The following ASIC2 variants were observed in gnomAD, a reference collection of about 807,000 sequenced individuals.
The protein encoded by ASIC2 is acid sensing ion channel subunit 2.
ASIC2 carries 25 observed loss-of-function variants against 57.3 expected under a neutral mutation model. The ratio of observed to expected loss-of-function variants is 0.44; its 90% CI spans 0.32 to 0.61. The LOEUF is 0.61. Among genes scored for constraint, ASIC2 ranks in the 20% least tolerant of loss-of-function variants. The probability of loss-of-function intolerance (pLI) is 0.06; values close to 1 mark genes in which losing one functional copy is unlikely to be tolerated. For synonymous variants in ASIC2, 319 were observed against 307.5 expected (o/e 1.04, Z -0.39); for missense variants, 641 against 738.1 (o/e 0.87, Z 1.52).
intron 1 of ASIC2, among the ~76,000 whole-genome samples, chr17:33,953,548 G>A (rs1313749948): frequency 1.3e-5 from 2 of 149,240 alleles, no homozygotes; most frequent in Non-Finnish European, 3.0e-5. Flanking sequence ...TTGGTTGCTT[G>A]CTCTCCTCCA....
At position 33,552,897 on chromosome 17, in the gene ASIC2, G is replaced by A. The variant is rs900615858; in HGVS notation, c.556-440830C>T. ...TGTTTCCCCAGGGAAGTGCTGCTGG[G>A]CTCTCTTGCACCGCCCTGGAGCTGG... On this transcript the variant is annotated intron_variant, in intron 1 of 9. Coordinates refer to the ASIC2 transcript ENST00000359872. Among the ~76,000 whole-genome samples, 7 of 152,362 alleles carry A rather than the reference G, an allele frequency of 4.6e-5. 1 individual carries two copies. In the East Asian group the frequency reaches 1.2e-3, roughly 25 times the overall value.
intron 1 of ASIC2, among the ~76,000 whole-genome samples, chr17:33,994,895 G>T (rs1439739670): frequency 6.6e-6 from 1 of 152,094 alleles, no homozygotes; most frequent in African/African-American, 2.4e-5. Flanking sequence ...GAAAAAAAAC[G>T]GTGCTTCTTG....
At chr17:33,919,285 G>T (rs948943886) in intron 1 of ASIC2, among the ~76,000 whole-genome samples, 3 of 152,134 alleles carry the variant, frequency 2.0e-5, no homozygotes, top group African/African-American at 7.2e-5. Context: ...AGTCGCTGAT[G>T]AGCCCAAAAA....
In ASIC2 at chr17:33,822,736, C is replaced by T. The variant is rs111242853; in HGVS notation, c.555+333242G>A. ...TTGGGTGGGACACTATTAAGCCAACCAAGTAAATGGCCTGGGATGTGGTTG... is the reference window on the plus strand; with the variant it reads ...TTGGGTGGGACACTATTAAGCCAACTAAGTAAATGGCCTGGGATGTGGTTG... On this transcript the variant is annotated intron_variant, in intron 1 of 9. Transcript: ENST00000359872. 8.9e-3 allele frequency among the ~76,000 whole-genome samples: 1,354 copies of T among 152,256 alleles called. 25 individuals carry two copies. Among genetic ancestry groups the T allele is most frequent in the African/African-American group, 0.031 (1,269 of 41,542 alleles).
intron 1 of ASIC2, among the ~76,000 whole-genome samples, chr17:33,674,833 G>A (rs551307944): frequency 8.5e-5 from 13 of 152,270 alleles, no homozygotes; most frequent in Admixed American, 2.0e-4. Context: ...GAGCTCAGAA[G>A]TCTGTCTTAG....
intron 1 of ASIC2, among the ~76,000 whole-genome samples, chr17:33,548,378 C>G (rs1915644885): frequency 6.6e-6 from 1 of 152,188 alleles, no homozygotes; most frequent in African/African-American, 2.4e-5. Flanking sequence ...AAGATACGCT[C>G]AGGAGGAGAC....
intron 1 of ASIC2, among the ~76,000 whole-genome samples, chr17:33,859,832 A>G (rs1376902835): frequency 6.6e-6 from 1 of 152,158 alleles, no homozygotes; most frequent in Admixed American, 6.5e-5. Flanking sequence ...ATACAGGTGC[A>G]TGTGCTACCA....
At chr17:33,970,589 C>T (rs35315193) in intron 1 of ASIC2, among the ~76,000 whole-genome samples, 43,256 of 152,070 alleles carry the variant, frequency 0.28, 6,329 homozygotes, top group Middle Eastern at 0.42. Context: ...TCCACTCCAA[C>T]CTGGGTCCCA....
chr17:33,404,625 A>G (rs140278211), intron 1 of ASIC2, among the ~76,000 whole-genome samples: 1 of 152,336 alleles, frequency 6.6e-6, no homozygotes, highest in African/African-American at 2.4e-5. Context: ...TGTCAAATGC[A>G]TGTTGAGTTG....
At chr17:33,138,080 G>A (rs929609826) in intron 1 of ASIC2, among the ~76,000 whole-genome samples, 4 of 152,180 alleles carry the variant, frequency 2.6e-5, no homozygotes. Context: ...GCAGTTTGGG[G>A]GACAGAGGGT....
At chr17:33,121,357 C>A (rs750834227) in intron 1 of ASIC2, among the ~76,000 whole-genome samples, 9 of 152,184 alleles carry the variant, frequency 5.9e-5, no homozygotes, top group Non-Finnish European at 8.8e-5. Context: ...GGGTGGCCTG[C>A]AGACAGGTAC....
chr17:33,659,936 T>C (rs1567681680), intron 1 of ASIC2, among the ~76,000 whole-genome samples: 1 of 151,026 alleles, frequency 6.6e-6, no homozygotes, highest in South Asian at 2.1e-4. Flanking sequence ...TAAAAATAAA[T>C]AGCTGGGCGT....
chr17:33,827,986 G>A (rs940413957), intron 1 of ASIC2: 4 of 152,096 alleles, frequency 2.6e-5, no homozygotes, highest in Non-Finnish European at 4.4e-5. Flanking sequence ...TTGGTTTTCT[G>A]TTCCTGTGTT....
intron 1 of ASIC2, among the ~76,000 whole-genome samples, chr17:33,123,698 G>C (rs905840857): frequency 6.6e-6 from 1 of 152,134 alleles, no homozygotes; most frequent in African/African-American, 2.4e-5. Context: ...CGCTTTCCCC[G>C]CGCCTTCCCA....
At chr17:33,158,104 CTGTTT>C (rs1475363798) in intron 1 of ASIC2, among the ~76,000 whole-genome samples, 10 of 152,218 alleles carry the variant, frequency 6.6e-5, no homozygotes, top group African/African-American at 1.2e-4. Context: ...TCCTCCTCTC[CTGTTT>C]TATTTTTTCT....
intron 1 of ASIC2, among the ~76,000 whole-genome samples, chr17:33,535,251 T>C (rs1915189487): frequency 6.6e-6 from 1 of 151,500 alleles, no homozygotes. Flanking sequence ...GCAATGGATA[T>C]GGTGGGAATA....
rs574767953 is a variant in ASIC2, at chr17:33,778,517, G to T, written c.555+377461C>A. On this transcript the variant is annotated intron_variant, in intron 1 of 9. Coordinates refer to the ASIC2 transcript ENST00000359872. ...GATTTGGCCCAGAAAGACTGTTTCT[G>T]AAAATCAAATTCACCTCCTGGGGAT... Among the ~76,000 whole-genome samples the T allele has an allele frequency of 5.3e-5, 8 of 152,184 alleles. No individual in the cohort carries two copies. The East Asian group carries it at 1.5e-3, about 29-fold the overall frequency.
Position 33,292,599 on chromosome 17 carries a change from C to A in ASIC2, c.-484G>T. On this transcript the variant is annotated 5_prime_UTR_variant, in exon 1 of 10. Coordinates refer to ENST00000225823, the MANE Select transcript of ASIC2 (RefSeq NM_183377.2). ...CGGCCACCATGCCTGATCTGGACAT[C>A]CCCAGGGACCCCACCAGCCCGGCCC... 1 of 985,712 alleles carries A rather than the reference C, an allele frequency of 1.0e-6. No individual in the cohort carries two copies. The highest frequency in any genetic ancestry group is 1.2e-6 in the Non-Finnish European group (1 of 830,150). 61.1% of individuals were successfully genotyped at this position (985,712 alleles called of 1,614,324 possible). A position where few individuals can be genotyped will look rare whatever the true frequency, so the allele number is the denominator to read the frequency against.
intron 1 of ASIC2, among the ~76,000 whole-genome samples, chr17:33,638,032 C>T (rs952784461): frequency 6.6e-6 from 1 of 151,974 alleles, no homozygotes; most frequent in East Asian, 1.9e-4. Flanking sequence ...AGTTATGAGT[C>T]AAAAGTCTAG....
Sources: allele counts gnomAD v4.1 joint callset (sites outside exome capture counted in the v4.1 genomes callset), GRCh38; gene constraint gnomAD v4.1.1; transcripts MANE v1.5; gene names NCBI Gene and HGNC (gene_info 2026-07-23, HGNC 2026-07-21).